The following GSE1 variants were observed in gnomAD, a reference collection of about 807,000 sequenced individuals.
GSE1 encodes Gse1 coiled-coil protein.
GSE1 carries 32 observed loss-of-function variants against 112.6 expected under a neutral mutation model. The observed-to-expected ratio is 0.28, with a 90% CI of 0.21 to 0.38. The LOEUF is 0.38. GSE1 is among the 10% of genes least tolerant of loss of function. The probability of loss-of-function intolerance (pLI) is 1.00; values close to 1 mark genes in which losing one functional copy is unlikely to be tolerated. For missense variants in GSE1, 2,348 were observed against 1,699.2 expected (o/e 1.38, Z -6.71); for synonymous variants, 1,115 against 735.6 (o/e 1.52, Z -8.35).
At chr16:85,318,465 A>G (rs940649173) in intron 1 of GSE1, among the ~76,000 whole-genome samples, 5 of 152,078 alleles carry the variant, frequency 3.3e-5, no homozygotes, top group African/African-American at 7.2e-5. Flanking sequence ...GAACCTCCCT[A>G]TGTTGCCCAG....
At chr16:85,612,681 G>C (rs931679280), upstream of GSE1, among the ~76,000 whole-genome samples, 4 of 151,272 alleles carry the variant, frequency 2.6e-5, no homozygotes, top group Non-Finnish European at 5.9e-5. Flanking sequence ...TTTCTAGTTG[G>C]GGTAATAAGG....
chr16:85,254,094 G>A (rs144298369), intron 1 of GSE1, among the ~76,000 whole-genome samples: 9 of 152,294 alleles, frequency 5.9e-5, no homozygotes, highest in African/African-American at 1.7e-4. Flanking sequence ...TTGCCAGCCC[G>A]TATGGGGCAC....
intron 8 of GSE1, among the ~76,000 whole-genome samples, chr16:85,659,922 CA>C (rs1567745052): frequency 6.6e-6 from 1 of 152,218 alleles, no homozygotes; most frequent in African/African-American, 2.4e-5. Context: ...GCAGTTGTGA[CA>C]GGGGCCACTG....
rs1325480982 is a variant in GSE1, at chr16:85,674,699, C to T, written c.*2160C>T. On this transcript the variant is annotated 3_prime_UTR_variant, in exon 16 of 16. Coordinates refer to ENST00000253458, the MANE Select transcript of GSE1 (RefSeq NM_014615.5). The stretch of plus-strand genomic sequence containing the variant: ...AAAACGTAGCTCATCCCTTACCATC[C>T]AAGGGGCACTCCCTTGGTTGGATTT... 1 of 152,254 alleles carries T rather than the reference C, an allele frequency of 6.6e-6. No individual in the cohort carries two copies. The highest frequency in any genetic ancestry group is 2.4e-5 in the African/African-American group (1 of 41,442). The allele number at this position is 152,254 out of a possible 1,614,324, so 9.4% of individuals were successfully genotyped here. A position where few individuals can be genotyped will look rare whatever the true frequency, so the allele number is the denominator to read the frequency against.
chr16:85,223,805 A>G (rs893893126), intron 1 of GSE1, among the ~76,000 whole-genome samples: 36 of 151,820 alleles, frequency 2.4e-4, no homozygotes, highest in Non-Finnish European at 4.7e-4. Context: ...GGGTTTCACC[A>G]TGTTGGCCAG....
Position 85,634,074 on chromosome 16 carries a change from A to C in GSE1, c.168A>C (p.Pro56=). 6.2e-7 allele frequency: 1 copy of C among 1,604,246 alleles called. No individual in the cohort carries two copies. The highest frequency in any genetic ancestry group is 8.5e-7 in the Non-Finnish European group (1 of 1,176,038). ...TSSALSAQAA[P]SSSFAAALRK... is the part of the protein sequence containing the mutation. ...GCGCGCTGTCGGCCCAGGCCGCGCCATCCTCCAGCTTTGCCGCCGCGCTGC... is the reference window on the plus strand; with the variant it reads ...GCGCGCTGTCGGCCCAGGCCGCGCCCTCCTCCAGCTTTGCCGCCGCGCTGC... The change falls in exon 2 of 16, where the codon CCA becomes CCC. Residue 56 remains proline (P), a synonymous_variant. Transcript: ENST00000253458.
intron 1 of GSE1, among the ~76,000 whole-genome samples, chr16:85,578,294 C>T (rs1366876449): frequency 3.3e-5 from 5 of 152,230 alleles, no homozygotes; most frequent in African/African-American, 9.6e-5. Context: ...AGCGTTTTCA[C>T]CTGAATGCCA....
intron 2 of GSE1, among the ~76,000 whole-genome samples, chr16:85,443,492 C>T (rs1347211822): frequency 6.6e-6 from 1 of 152,240 alleles, no homozygotes; most frequent in African/African-American, 2.4e-5. Flanking sequence ...GGATGGAAGG[C>T]GCTTCCACCT....
intron 1 of GSE1, among the ~76,000 whole-genome samples, chr16:85,337,810 G>A (rs1004341999): frequency 2.6e-5 from 4 of 152,232 alleles, no homozygotes; most frequent in East Asian, 1.9e-4. Context: ...AAATGGAAGC[G>A]TCAGCCTCTG....
intron 2 of GSE1, among the ~76,000 whole-genome samples, chr16:85,492,928 GTC>G (rs1007513972): frequency 6.6e-6 from 1 of 152,232 alleles, no homozygotes; most frequent in African/African-American, 2.4e-5. Context: ...GGAGCTTATC[GTC>G]TCTGTGTGTG....
chr16:85,646,160 CGCTTCCTATGCAT>C (rs1417360888), intron 2 of GSE1, among the ~76,000 whole-genome samples: 3 of 128,452 alleles, frequency 2.3e-5, no homozygotes, highest in African/African-American at 9.6e-5. Context: ...GCTTCTACCA[CGCTTCCTATGCAT>C]GCATTCTACC....
chr16:85,296,087 A>T (rs1347925311), intron 1 of GSE1, among the ~76,000 whole-genome samples: 2 of 152,134 alleles, frequency 1.3e-5, no homozygotes, highest in East Asian at 3.9e-4. Context: ...GGCTTGGGAA[A>T]TGTAGGGATG....
chr16:85,296,345 C>T (rs2151450936), intron 1 of GSE1, among the ~76,000 whole-genome samples: 1 of 152,262 alleles, frequency 6.6e-6, no homozygotes. Context: ...TGGCTCCCGC[C>T]TATAATCCCA....
intron 1 of GSE1, among the ~76,000 whole-genome samples, chr16:85,217,877 CT>C (rs201949629): frequency 2.0e-4 from 30 of 151,646 alleles, no homozygotes; most frequent in Non-Finnish European, 3.2e-4. Context: ...CCAGCCTCTT[CT>C]TTTTTTTTCC....
intron 1 of GSE1, among the ~76,000 whole-genome samples, chr16:85,589,271 G>A (rs1162957978): frequency 6.6e-6 from 1 of 152,198 alleles, no homozygotes; most frequent in Non-Finnish European, 1.5e-5. Flanking sequence ...GGGTGGGGAG[G>A]GTTTGTGGGT....
At chr16:85,527,513 C>T (rs1435864702) in intron 2 of GSE1, among the ~76,000 whole-genome samples, 1 of 152,270 alleles carries the variant, frequency 6.6e-6, no homozygotes, top group African/African-American at 2.4e-5. Context: ...GCTGCACGGG[C>T]ATTGCCAAAA....
chr16:85,173,721 C>T (rs1169457338), intron 1 of GSE1, among the ~76,000 whole-genome samples: 4 of 152,144 alleles, frequency 2.6e-5, no homozygotes, highest in Middle Eastern at 3.2e-3. Flanking sequence ...GGATGCTGCC[C>T]GTCGGCCTTG....
intron 2 of GSE1, among the ~76,000 whole-genome samples, chr16:85,399,186 G>A (rs753758727): frequency 5.9e-5 from 9 of 152,158 alleles, no homozygotes; most frequent in Non-Finnish European, 8.8e-5. Flanking sequence ...AGATGTGCAC[G>A]TGTGATGTGT....
chr16:85,463,950 T>C (rs373766997), intron 2 of GSE1, among the ~76,000 whole-genome samples: 7 of 152,246 alleles, frequency 4.6e-5, no homozygotes, highest in Admixed American at 2.6e-4. Flanking sequence ...CAAGGTCCCT[T>C]TGGGGTGGCT....
Sources: gnomAD v4.1 joint callset for allele counts (sites outside exome capture counted in the v4.1 genomes callset) on GRCh38, gnomAD v4.1.1 for gene constraint, MANE v1.5 for transcripts, NCBI Gene and HGNC (gene_info 2026-07-23, HGNC 2026-07-21) for gene names.